Variants in EFCAB13 observed in about 807,000 individuals in gnomAD.
The protein encoded by EFCAB13 is EF-hand calcium binding domain 13, also known as EF-hand calcium-binding domain-containing protein 13.
A neutral mutation model predicts 110.2 loss-of-function variants in EFCAB13; 91 were observed. That is an observed-to-expected ratio of 0.83 (90% CI 0.70 to 0.98). EFCAB13 has a LOEUF of 0.98. Among genes scored for constraint, EFCAB13 ranks in the 50% least tolerant of loss-of-function variants. The pLI is 0.00. For synonymous variants in EFCAB13, 323 were observed against 369.9 expected (o/e 0.87, Z 1.45); for missense variants, 968 against 1,119.4 (o/e 0.86, Z 1.93).
intron 24 of EFCAB13, among the ~76,000 whole-genome samples, chr17:47,437,206 CA>C (rs1336272992): frequency 6.6e-6 from 1 of 152,066 alleles, no homozygotes; most frequent in East Asian, 1.9e-4. Flanking sequence ...GAGAAAATTC[CA>C]TGAGCTGTGA....
At chr17:47,325,923 A>AATATATATATGATATAT (rs1555575761) in intron 2 of EFCAB13, among the ~76,000 whole-genome samples, 1 of 102,552 alleles carries the variant, frequency 9.8e-6, no homozygotes, top group East Asian at 3.5e-4. Context: ...ATATAAACAA[A>AATATATATATGATATAT]ATATATATAT....
chr17:47,389,581 T>TC (rs2065694960), intron 14 of EFCAB13, among the ~76,000 whole-genome samples: 1 of 148,776 alleles, frequency 6.7e-6, no homozygotes, highest in Non-Finnish European at 1.5e-5. Flanking sequence ...ATTTCATCTT[T>TC]TTTTTTTTTT....
chr17:47,392,691 A>C (rs1275560257), intron 15 of EFCAB13, among the ~76,000 whole-genome samples: 1 of 152,330 alleles, frequency 6.6e-6, no homozygotes, highest in East Asian at 1.9e-4. Flanking sequence ...TACTTATTCA[A>C]ATGGAAAGAA....
At chr17:47,409,504 AAC>A (rs2065822417) in intron 20 of EFCAB13, 141 bp from the exon 21 acceptor site, 1 of 662,740 alleles carries the variant, frequency 1.5e-6, no homozygotes, top group Admixed American at 2.3e-5. Context: ...GCCAGGGAAC[AAC>A]TTTTGAGAAG....
intron 24 of EFCAB13, among the ~76,000 whole-genome samples, chr17:47,439,280 G>A (rs988915405): frequency 4.1e-5 from 6 of 147,906 alleles, no homozygotes; most frequent in African/African-American, 1.0e-4. Flanking sequence ...AGGTGCAAGC[G>A]ATTCTTCTGC....
intron 9 of EFCAB13, among the ~76,000 whole-genome samples, chr17:47,356,165 G>A (rs2065479590): frequency 6.6e-6 from 1 of 150,666 alleles, no homozygotes; most frequent in Non-Finnish European, 1.5e-5. Context: ...CCTAATAATT[G>A]ACCTTCTGAA....
At chr17:47,359,872 G>A (rs899850616) in intron 9 of EFCAB13, among the ~76,000 whole-genome samples, 1 of 143,910 alleles carries the variant, frequency 6.9e-6, no homozygotes, top group South Asian at 2.2e-4. Flanking sequence ...GAGAACATGC[G>A]GTGTTTGGTT....
At chr17:47,394,366 A>T (rs2065726139) in intron 16 of EFCAB13, among the ~76,000 whole-genome samples, 1 of 152,224 alleles carries the variant, frequency 6.6e-6, no homozygotes, top group African/African-American at 2.4e-5. Context: ...AGAACCATGT[A>T]TAGCATTCGT....
At chr17:47,355,570 A>AT (rs71365066) in intron 9 of EFCAB13, among the ~76,000 whole-genome samples, 9,535 of 120,340 alleles carry the variant, frequency 0.079, 562 homozygotes, top group East Asian at 0.12. Flanking sequence ...GGCTTTGTTC[A>AT]TTTTTTTTTT....
chr17:47,399,786 A>G (rs1416872523), intron 17 of EFCAB13, among the ~76,000 whole-genome samples: 1 of 152,076 alleles, frequency 6.6e-6, no homozygotes, highest in African/African-American at 2.4e-5. Flanking sequence ...TGATGATTAC[A>G]AAAAAAGCAT....
At chr17:47,342,581 GATA>G (rs2143260430) in intron 6 of EFCAB13, among the ~76,000 whole-genome samples, 1 of 152,280 alleles carries the variant, frequency 6.6e-6, no homozygotes, top group African/African-American at 2.4e-5. Flanking sequence ...CACTCACTAT[GATA>G]TACTTAGAGG....
chr17:47,387,177 T>C (rs184182824), intron 14 of EFCAB13, among the ~76,000 whole-genome samples: 2 of 152,334 alleles, frequency 1.3e-5, no homozygotes, highest in African/African-American at 4.8e-5. Context: ...AGAAAAGTAC[T>C]TCATATGATT....
At chr17:47,389,986 A>ATAATCATTTTAAGAATCATCTTTTAAG (rs1420748883) in intron 14 of EFCAB13, among the ~76,000 whole-genome samples, 3 of 152,214 alleles carry the variant, frequency 2.0e-5, no homozygotes, top group African/African-American at 7.2e-5. Context: ...CATCTTTTAA[A>ATAATCATTTTAAGAATCATCTTTTAAG]TAATCATTTT....
chr17:47,419,077 T>C (rs1695416101), intron 23 of EFCAB13, among the ~76,000 whole-genome samples: 1 of 152,186 alleles, frequency 6.6e-6, no homozygotes, highest in Admixed American at 6.5e-5. Flanking sequence ...ATAGAATAAC[T>C]ATAAAATCTA....
At chr17:47,401,948 G>T (rs1002798750) in intron 17 of EFCAB13, among the ~76,000 whole-genome samples, 184 bp from the exon 18 acceptor site, 3 of 152,122 alleles carry the variant, frequency 2.0e-5, no homozygotes, top group Admixed American at 1.3e-4. Context: ...CCAGCCATCA[G>T]CCTGACTTCT....
At chr17:47,365,973 GGT>G (rs1290329753) in intron 10 of EFCAB13, among the ~76,000 whole-genome samples, 1 of 152,004 alleles carries the variant, frequency 6.6e-6, no homozygotes, top group Non-Finnish European at 1.5e-5. Context: ...AAAAATTTTG[GGT>G]CACCCAGGTA....
At position 47,398,906 on chromosome 17, in the gene EFCAB13, A is replaced by G. The variant is rs547902887; in HGVS notation, c.1945+2929A>G. Among the ~76,000 whole-genome samples, 379 of 152,300 alleles carry G rather than the reference A, an allele frequency of 2.5e-3. 3 individuals carry two copies. Among genetic ancestry groups the G allele is most frequent in the African/African-American group, 8.9e-3 (370 of 41,560 alleles). On this transcript the variant is annotated intron_variant, in intron 17 of 24. Coordinates refer to ENST00000331493, the MANE Select transcript of EFCAB13 (RefSeq NM_152347.5). ...GAAAAGTATTTTTTATGATAATAAA[A>G]ACTCATATATTGTGTTTATTATTCT... is the stretch of plus-strand genomic sequence containing the variant.
At chr17:47,336,533 C>T (rs1441915363) in intron 5 of EFCAB13, among the ~76,000 whole-genome samples, 3 of 151,644 alleles carry the variant, frequency 2.0e-5, no homozygotes, top group South Asian at 2.1e-4. Context: ...CCTCATGATC[C>T]GCCTGCTTCT....
At chr17:47,382,107 T>A (rs575176837) in intron 14 of EFCAB13, among the ~76,000 whole-genome samples, 5 of 152,300 alleles carry the variant, frequency 3.3e-5, no homozygotes, top group Non-Finnish European at 7.4e-5. Context: ...TATTTTATTC[T>A]CTTTGTAGCA....
Sources: allele counts gnomAD v4.1 joint callset (sites outside exome capture counted in the v4.1 genomes callset), GRCh38; gene constraint gnomAD v4.1.1; transcripts MANE v1.5; gene names NCBI Gene and HGNC (gene_info 2026-07-23, HGNC 2026-07-21).